The following MORC2 variants were observed in gnomAD, a reference collection of about 807,000 sequenced individuals.
The protein encoded by MORC2 is MORC family CW-type zinc finger 2.
Under a neutral mutation model 136.0 loss-of-function variants are expected in MORC2, and 30 were observed. The observed-to-expected ratio is 0.22, with a 90% CI of 0.17 to 0.30. The LOEUF is 0.30. Ranked by LOEUF, MORC2 falls within the 10% of genes least tolerant of loss-of-function variation. The pLI, the probability that MORC2 is intolerant of heterozygous loss-of-function variation, is 1.00. For synonymous variants in MORC2, 439 were observed against 487.0 expected (o/e 0.90, Z 1.30); for missense variants, 922 against 1,333.1 (o/e 0.69, Z 4.80).
At chr22:30,936,448 G>A in intron 17 of MORC2, 63 bp downstream of exon 17, 16 of 1,593,158 alleles carry the variant, frequency 1.0e-5, no homozygotes, top group Non-Finnish European at 1.3e-5. Context: ...GCTACTGAAG[G>A]TTCCTGTCAC....
At chr22:30,962,639 C>T (rs934221779) in intron 1 of MORC2, among the ~76,000 whole-genome samples, 2 of 151,554 alleles carry the variant, frequency 1.3e-5, no homozygotes, top group African/African-American at 4.8e-5. Context: ...TCCACACAGT[C>T]TCAATGCTGT....
chr22:30,955,426 T>C (rs1481633959), intron 3 of MORC2, among the ~76,000 whole-genome samples: 1 of 152,238 alleles, frequency 6.6e-6, no homozygotes, highest in South Asian at 2.1e-4. Context: ...TTAGCTGCTC[T>C]GAGGATTTTC....
intron 1 of MORC2, among the ~76,000 whole-genome samples, chr22:30,965,630 CA>C (rs1177256470): frequency 6.6e-6 from 1 of 152,162 alleles, no homozygotes; most frequent in African/African-American, 2.4e-5. Flanking sequence ...TTCATGCAAG[CA>C]GGTGGTTCCA....
Position 30,937,987 on chromosome 22 carries a change from A to T in MORC2, c.1215-18T>A, listed in dbSNP as rs1271338069. 73 of 1,613,902 alleles carry T rather than the reference A, an allele frequency of 4.5e-5. No homozygotes were observed. The highest frequency in any genetic ancestry group is 5.9e-5 in the Non-Finnish European group (70 of 1,179,984). ...CACATGCCCTACAGGGAGAAAGAGA[A>T]CAAGCTCTGTCACCCCACTGGCAAC... On this transcript the variant is annotated intron_variant, in intron 13 of 25. Transcript: ENST00000397641. The surrounding 1 kb of genome is among the most constrained non-coding windows in gnomAD (Gnocchi z 4.7).
chr22:30,937,851 C>T lies in MORC2; in HGVS notation c.1333G>A (p.Glu445Lys). ...EYRHLLRAMG[E>K]HLAQYWKDIA... The stretch of plus-strand genomic sequence containing the variant: ...TCCTTCCAATACTGCGCCAGGTGCT[C>T]CCCCATTGCTCGGAGCAGGTGCCGG... Residue 445 changes from glutamate (E) to lysine (K), a missense_variant, in exon 14 of 26, where the codon GAG (glutamate) becomes AAG (lysine). Glu to Lys is a moderately conservative substitution (Grantham distance 56, BLOSUM62 1). Coordinates refer to ENST00000397641, the MANE Select transcript of MORC2 (RefSeq NM_001303256.3). The surrounding 1 kb of genome is among the most constrained non-coding windows in gnomAD (Gnocchi z 4.7). 1 of 1,614,134 alleles carries T rather than the reference C, an allele frequency of 6.2e-7. No individual in the cohort carries two copies. Among genetic ancestry groups the T allele is most frequent in the Non-Finnish European group, 8.5e-7 (1 of 1,180,042 alleles).
intron 3 of MORC2, among the ~76,000 whole-genome samples, chr22:30,954,289 A>G (rs2040933821): frequency 6.6e-6 from 1 of 152,116 alleles, no homozygotes; most frequent in Non-Finnish European, 1.5e-5. Context: ...AAAAGATTCC[A>G]CGGACTGATT....
intron 5 of MORC2, among the ~76,000 whole-genome samples, chr22:30,947,722 C>T (rs997211038): frequency 3.3e-5 from 5 of 152,144 alleles, no homozygotes; most frequent in African/African-American, 9.7e-5. Flanking sequence ...TTCCCTAAAG[C>T]GTATGGGGAG....
chr22:30,959,508 CA>C (rs2041013110), intron 1 of MORC2, among the ~76,000 whole-genome samples: 1 of 152,140 alleles, frequency 6.6e-6, no homozygotes, highest in Admixed American at 6.5e-5. Context: ...AGATGACGCA[CA>C]AGTATTGGTA....
chr22:30,934,122 T>C lies in MORC2; in HGVS notation c.2263A>G (p.Arg755Gly). ...CTGCCCCGCTTGCACCTCTCCTTCC[T>C]CCTCTCAGCTTCCTCCTCAACTTCT... ...EEEVEEEAERRKERCKRGRFV... is the reference protein window; with the variant it reads ...EEEVEEEAERGKERCKRGRFV... Residue 755 changes from arginine to glycine, a missense_variant, in exon 20 of 26, where the codon AGG becomes GGG. Arg to Gly is a moderately radical substitution (Grantham distance 125). Coordinates refer to ENST00000397641, the MANE Select transcript of MORC2 (RefSeq NM_001303256.3). This position sits in a 1 kb window ranked among gnomAD's most constrained non-coding sequence, Gnocchi z 4.4. The C allele has an allele frequency of 6.2e-7, 1 of 1,614,106 alleles. No homozygotes were observed. The highest frequency in any genetic ancestry group is 8.5e-7 in the Non-Finnish European group (1 of 1,180,004).
chr22:30,966,969 GTC>G (rs1350953187), intron 1 of MORC2: 1 of 394,806 alleles, frequency 2.5e-6, no homozygotes, highest in East Asian at 1.6e-4. Flanking sequence ...CATAATGGAA[GTC>G]TATACTCTCG....
chr22:30,940,614 CTGCAAAGGAACTGAACTA>C (rs376759927), intron 10 of MORC2, 126 bp downstream of exon 10: 54 of 712,132 alleles, frequency 7.6e-5, no homozygotes, highest in African/African-American at 6.6e-4. Context: ...GTGAAAGGGG[CTGCAAAGGAACTGAACTA>C]TGCTTCAGGA....
Position 30,962,107 on chromosome 22 carries a change from A to G in MORC2, c.69-3413T>C, listed in dbSNP as rs181557374. The stretch of plus-strand genomic sequence containing the variant: ...TAACTACTTGAGAGGCTGAGGCAGG[A>G]GAATCGCTTGAACCCGGGAGGTAGA... On this transcript the variant is annotated intron_variant, in intron 1 of 25. Transcript: ENST00000397641. Among the ~76,000 whole-genome samples, 62 of 152,016 alleles carry G rather than the reference A, an allele frequency of 4.1e-4. 1 individual carries two copies. The East Asian group carries it at 0.012, about 29-fold the overall frequency.
rs553454625 is a variant in MORC2 at position 30,966,210 on chromosome 22, G to A, written c.68+1612C>T. ...ACTGAAATTCTGAAGTCCAGTTCAT[G>A]GTCTTCCAAGATTATCATAAAATCT... On this transcript the variant is annotated intron_variant, in intron 1 of 25. Transcript: ENST00000397641. 2.0e-5 allele frequency among the ~76,000 whole-genome samples: 3 copies of A among 152,282 alleles called. No individual in the cohort carries two copies. The East Asian group carries it at 5.8e-4, about 29-fold the overall frequency.
intron 24 of MORC2, 160 bp from the exon 25 acceptor site, chr22:30,928,367 T>G: frequency 1.5e-6 from 1 of 665,850 alleles, no homozygotes; most frequent in Non-Finnish European, 2.6e-6. Flanking sequence ...ACGTCCAGAG[T>G]AGAGAGACAT....
At chr22:30,965,346 C>A (rs2041112397) in intron 1 of MORC2, among the ~76,000 whole-genome samples, 1 of 152,174 alleles carries the variant, frequency 6.6e-6, no homozygotes, top group Non-Finnish European at 1.5e-5. Context: ...ACTTTACACA[C>A]AGGTGGTTCA....
chr22:30,928,372 A>G, intron 24 of MORC2, 165 bp from the exon 25 acceptor site: 1 of 657,910 alleles, frequency 1.5e-6, no homozygotes. Context: ...CAGAGTAGAG[A>G]GACATCAATG....
At chr22:30,947,710 C>T (rs1487055055) in intron 5 of MORC2, among the ~76,000 whole-genome samples, 1 of 152,186 alleles carries the variant, frequency 6.6e-6, no homozygotes, top group Non-Finnish European at 1.5e-5. Flanking sequence ...ACCTCCTCCT[C>T]CTTCCCTAAA....
chr22:30,939,819 T>C, intron 11 of MORC2, 113 bp from the exon 12 acceptor site: 1 of 1,349,474 alleles, frequency 7.4e-7, no homozygotes, highest in South Asian at 1.3e-5. Flanking sequence ...AAACCACACC[T>C]GGAAATTTAC....
chr22:30,926,550 CAAAAAAAAA>C lies in MORC2; in HGVS notation c.*244_*252del, dbSNP rs60514280. 9.7e-4 allele frequency: 25 copies of C among 25,780 alleles called. No homozygotes were observed. The highest frequency in any genetic ancestry group is 2.6e-3 in the South Asian group (4 of 1,552). 1.6% of individuals were successfully genotyped at this position (25,780 alleles called of 1,614,324 possible). A position where few individuals can be genotyped will look rare whatever the true frequency, so the allele number is the denominator to read the frequency against. On this transcript the variant is annotated 3_prime_UTR_variant, in exon 26 of 26. Coordinates refer to ENST00000397641, the MANE Select transcript of MORC2 (RefSeq NM_001303256.3). ...AAGGTTCTCTGTCCTTTGCAGTCAC[CAAAAAAAAA>C]AAAAAAAAAAAAAAAAAAAAAAAAA...
Sources: allele counts gnomAD v4.1 joint callset (sites outside exome capture counted in the v4.1 genomes callset), GRCh38; gene constraint gnomAD v4.1.1; non-coding constraint Gnocchi (gnomAD v3.1); transcripts MANE v1.5; gene names NCBI Gene and HGNC (gene_info 2026-07-23, HGNC 2026-07-21).